Variants in CRISP1 observed in about 807,000 individuals in gnomAD.
CRISP1 encodes cysteine rich secretory protein 1, also known as cysteine-rich secretory protein 1.
In CRISP1, 44 loss-of-function variants were observed where a neutral mutation model predicts 33.1. The observed-to-expected ratio is 1.33, with a 90% CI of 1.05 to 1.71. The LOEUF (loss-of-function observed/expected upper bound fraction) is 1.71, where lower values mean the gene tolerates loss of function less well. Ranked by LOEUF, CRISP1 falls within the 40% of genes most tolerant of loss-of-function variation. The pLI is 0.00. For missense variants in CRISP1, 390 were observed against 301.2 expected, an observed-to-expected ratio of 1.29 and a Z score of -2.18; for synonymous variants, 103 against 98.7, an observed-to-expected ratio of 1.04 and a Z score of -0.26.
chr6:49,848,216 T>A lies in CRISP1; in HGVS notation c.279A>T (p.Arg93Ser), dbSNP rs745753014. The A allele has an allele frequency of 6.3e-7, 1 of 1,579,850 alleles. No individual in the cohort carries two copies. Among genetic ancestry groups the A allele is most frequent in the Non-Finnish European group, 8.6e-7 (1 of 1,165,502 alleles). ...ATATAGATACACACTTACTTGGAAG[T>A]CTCCTCTCAAGGGGGTTGCTCTCTG... ...DMTESNPLER[R>S]LPNTFCGENM... is the part of the protein sequence containing the mutation. The change falls in exon 4 of 8, where the codon AGA becomes AGT. Residue 93 changes from arginine to serine, a missense_variant. By Grantham distance (110) the Arg-to-Ser change is moderately radical (BLOSUM62 -1). Transcript: ENST00000335847.
rs1771189477 is a variant in CRISP1, at chr6:49,846,811, C to T, written c.287-143G>A. The T allele has an allele frequency of 2.4e-5, 19 of 779,934 alleles. 1 individual carries two copies. The South Asian group carries it at 3.9e-4, about 16-fold the overall frequency. 48.3% of individuals were successfully genotyped at this position (779,934 alleles called of 1,614,324 possible). On this transcript the variant is annotated intron_variant, in intron 4 of 7. Transcript: ENST00000335847. The stretch of plus-strand genomic sequence containing the variant: ...AGAGGGAGTAAAATAAGTTGTATCC[C>T]CACTGAAAATCTTTCTCATTGATGA...
rs747176464 is a variant in CRISP1, at chr6:49,835,153, AAC to A, written c.*161_*162del. ...TTACTCCAGCACTAAGAAAGTTTAA[AAC>A]AGTGTTACTTCAGGATGTATCAGGA... is the stretch of plus-strand genomic sequence containing the variant. On this transcript the variant is annotated 3_prime_UTR_variant, in exon 8 of 8. Transcript: ENST00000335847. 4.5e-5 allele frequency: 29 copies of A among 644,338 alleles called. No individual in the cohort carries two copies. Among genetic ancestry groups the A allele is most frequent in the Admixed American group, 3.0e-4 (10 of 33,822 alleles). The allele number at this position is 644,338 out of a possible 1,614,324, so 39.9% of individuals were successfully genotyped here. A position where few individuals can be genotyped will look rare whatever the true frequency, so the allele number is the denominator to read the frequency against.
intron 2 of CRISP1, among the ~76,000 whole-genome samples, chr6:49,854,498 C>T (rs1350972929): frequency 6.6e-6 from 1 of 152,154 alleles, no homozygotes; most frequent in African/African-American, 2.4e-5. Context: ...CCCCCAGTAG[C>T]TAGGATTACA....
intron 1 of CRISP1, among the ~76,000 whole-genome samples, chr6:49,864,200 C>T (rs1049885371): frequency 2.0e-5 from 3 of 152,048 alleles, no homozygotes; most frequent in African/African-American, 7.2e-5. Flanking sequence ...GATTCAACCA[C>T]GTTGCATGTG....
At chr6:49,840,859 T>G (rs779318273) in intron 6 of CRISP1, 39 bp downstream of exon 6, 4 of 1,500,348 alleles carry the variant, frequency 2.7e-6, no homozygotes, top group Admixed American at 1.7e-5. Context: ...ATTAGGTTAC[T>G]TTAGGGGGAT....
chr6:49,845,810 A>T (rs1443559585), intron 5 of CRISP1, among the ~76,000 whole-genome samples: 2 of 152,180 alleles, frequency 1.3e-5, no homozygotes, highest in East Asian at 3.9e-4. Context: ...AAAAGAATAC[A>T]ATTCTGACAC....
At chr6:49,870,107 A>G (rs1002556594), upstream of CRISP1, among the ~76,000 whole-genome samples, 2 of 152,198 alleles carry the variant, frequency 1.3e-5, no homozygotes, top group Admixed American at 6.5e-5. Context: ...ATCACAGGCC[A>G]AACAGACTAA....
chr6:49,841,981 G>A (rs1771005549), intron 5 of CRISP1, among the ~76,000 whole-genome samples: 1 of 152,136 alleles, frequency 6.6e-6, no homozygotes, highest in South Asian at 2.1e-4. Flanking sequence ...CCTTATGTGA[G>A]CCTGGGTAGC....
In CRISP1 at chr6:49,847,532, T is replaced by C. The variant is rs573824996; in HGVS notation, c.286+677A>G. Among the ~76,000 whole-genome samples the C allele has an allele frequency of 6.6e-5, 10 of 152,238 alleles. No homozygotes were observed. In the East Asian group the frequency reaches 1.9e-3, roughly 29 times the overall value. Reference sequence around the variant, plus strand: ...CCCCCTTCACCTTCTGCCATGATTGTAAGCTTCCTAAGGTCTCACCAAAAG... The same window carrying C: ...CCCCCTTCACCTTCTGCCATGATTGCAAGCTTCCTAAGGTCTCACCAAAAG... On this transcript the variant is annotated intron_variant, in intron 4 of 7. Transcript: ENST00000335847.
rs575129757 is a variant in CRISP1 at position 49,861,601 on chromosome 6, C to T, written c.-2-4199G>A. On this transcript the variant is annotated intron_variant, in intron 1 of 7. Coordinates refer to ENST00000335847, the MANE Select transcript of CRISP1 (RefSeq NM_001131.3). ...AACTAAGAATTGAAAGAACCTAGCTCGGCCAGGCACGGTAACTCACGCCTG... is the reference window on the plus strand; with the variant it reads ...AACTAAGAATTGAAAGAACCTAGCTTGGCCAGGCACGGTAACTCACGCCTG... 1.3e-3 allele frequency among the ~76,000 whole-genome samples: 197 copies of T among 152,142 alleles called. 1 individual carries two copies. The highest frequency in any genetic ancestry group is 4.3e-3 in the African/African-American group (179 of 41,520).
chr6:49,859,760 A>G (rs1486163858), intron 1 of CRISP1, among the ~76,000 whole-genome samples: 1 of 152,184 alleles, frequency 6.6e-6, no homozygotes, highest in East Asian at 1.9e-4. Context: ...ACAAAATGAC[A>G]TATCAATAAT....
chr6:49,865,744 G>T (rs1299856431), intron 1 of CRISP1, among the ~76,000 whole-genome samples: 2 of 152,082 alleles, frequency 1.3e-5, no homozygotes, highest in African/African-American at 2.4e-5. Flanking sequence ...GCTGAGGTGG[G>T]GCACAAAAGT....
upstream of CRISP1, among the ~76,000 whole-genome samples, chr6:49,869,640 A>G (rs1771878320): frequency 6.6e-6 from 1 of 152,214 alleles, no homozygotes; most frequent in Non-Finnish European, 1.5e-5. Context: ...TAACAGAAAG[A>G]TGTCAGTATA....
chr6:49,869,620 CCT>C (rs1336548819), upstream of CRISP1, among the ~76,000 whole-genome samples: 17 of 152,084 alleles, frequency 1.1e-4, no homozygotes, highest in Non-Finnish European at 2.2e-4. Context: ...TCTTGTGATT[CCT>C]CTCAAGTTAA....
intron 7 of CRISP1, among the ~76,000 whole-genome samples, chr6:49,836,896 T>C (rs897700008): frequency 1.3e-5 from 2 of 152,072 alleles, no homozygotes; most frequent in Non-Finnish European, 2.9e-5. Flanking sequence ...AAGTCATTAC[T>C]CATTTTTTTT....
rs137961407 is a variant in CRISP1, at chr6:49,874,254, A to T, written c.-3+2755T>A. Reference sequence around the variant, plus strand: ...ATATGGCAATTCTGAATAATATTAGAACTAAAACAGTTATATAGTTTCTTA... The same window carrying T: ...ATATGGCAATTCTGAATAATATTAGTACTAAAACAGTTATATAGTTTCTTA... On this transcript the variant is annotated intron_variant, in intron 1 of 7. Transcript: ENST00000505118. Among the ~76,000 whole-genome samples the T allele has an allele frequency of 4.4e-4, 67 of 152,196 alleles. 1 individual carries two copies. In the East Asian group the frequency reaches 0.013, roughly 29 times the overall value.
intron 1 of CRISP1, among the ~76,000 whole-genome samples, chr6:49,862,162 T>A (rs1411937039): frequency 1.3e-5 from 2 of 152,092 alleles, no homozygotes; most frequent in Middle Eastern, 3.2e-3. Flanking sequence ...ACCTAAAGAC[T>A]CCACCAAATT....
chr6:49,857,551 T>C (rs945466960), intron 1 of CRISP1, 149 bp from the exon 2 acceptor site: 4 of 647,210 alleles, frequency 6.2e-6, no homozygotes, highest in Admixed American at 2.7e-5. Flanking sequence ...GTGTTAGTCA[T>C]TGGGATCCAG....
intron 5 of CRISP1, among the ~76,000 whole-genome samples, chr6:49,842,917 C>T (rs546662882): frequency 9.2e-5 from 14 of 152,126 alleles, no homozygotes; most frequent in South Asian, 2.1e-4. Context: ...CAAATGAAAG[C>T]GAATTTCTCT....
Sources: gnomAD v4.1 joint callset for allele counts (sites outside exome capture counted in the v4.1 genomes callset) on GRCh38, gnomAD v4.1.1 for gene constraint, MANE v1.5 for transcripts, NCBI Gene and HGNC (gene_info 2026-07-23, HGNC 2026-07-21) for gene names.